Variants in SNX24 observed in about 807,000 individuals in gnomAD.
The protein encoded by SNX24 is sorting nexin 24.
In SNX24, 22 loss-of-function variants were observed where a neutral mutation model predicts 28.7. The ratio of observed to expected loss-of-function variants is 0.77; its 90% CI spans 0.55 to 1.10. The LOEUF is 1.10. Among genes scored for constraint, SNX24 ranks in the 50% least tolerant of loss-of-function variants. SNX24 has a pLI of 0.00. For synonymous variants in SNX24, 69 were observed against 71.5 expected (o/e 0.96, Z 0.18); for missense variants, 221 against 201.1 (o/e 1.10, Z -0.60).
At chr5:122,908,603 A>G (rs1376741673) in intron 1 of SNX24, among the ~76,000 whole-genome samples, 1 of 152,232 alleles carries the variant, frequency 6.6e-6, no homozygotes, top group Non-Finnish European at 1.5e-5. Flanking sequence ...TTTGGCTAAG[A>G]ACAATTAAGG....
intron 2 of SNX24, among the ~76,000 whole-genome samples, chr5:122,939,415 T>C (rs961354570): frequency 3.9e-5 from 6 of 152,354 alleles, no homozygotes; most frequent in South Asian, 2.1e-4. Context: ...TATCTGCTAG[T>C]GTCTAGATTG....
chr5:122,972,558 A>C (rs1466712911), intron 3 of SNX24, among the ~76,000 whole-genome samples: 1 of 152,244 alleles, frequency 6.6e-6, no homozygotes, highest in Non-Finnish European at 1.5e-5. Flanking sequence ...TTGTAAGACC[A>C]GTGAATTTCA....
intron 1 of SNX24, among the ~76,000 whole-genome samples, chr5:122,847,620 A>G (rs1754702608): frequency 6.6e-6 from 1 of 151,356 alleles, no homozygotes; most frequent in Non-Finnish European, 1.5e-5. Context: ...CAGCCCCTGG[A>G]GTAGCTGGGA....
chr5:122,938,237 A>C (rs1347977260), intron 2 of SNX24, among the ~76,000 whole-genome samples: 1 of 152,112 alleles, frequency 6.6e-6, no homozygotes, highest in Non-Finnish European at 1.5e-5. Context: ...TCTCTGCTCT[A>C]GTAGAGTTTA....
downstream of SNX24, among the ~76,000 whole-genome samples, chr5:123,011,054 G>A (rs1451657354): frequency 6.6e-6 from 1 of 152,228 alleles, no homozygotes; most frequent in Non-Finnish European, 1.5e-5. Context: ...AGTCCAAGCA[G>A]TGTCATTCAC....
At position 122,889,857 on chromosome 5, in the gene SNX24, C is replaced by T. The variant is rs144302154; in HGVS notation, c.60+44164C>T. Among the ~76,000 whole-genome samples, 26 of 150,716 alleles carry T rather than the reference C, an allele frequency of 1.7e-4. No individual in the cohort carries two copies. In the East Asian group the frequency reaches 4.3e-3, roughly 25 times the overall value. On this transcript the variant is annotated intron_variant, in intron 1 of 6. Transcript: ENST00000261369. The stretch of plus-strand genomic sequence containing the variant: ...CAAATCAGGAAGTTTAATATTGAAA[C>T]AGTATTTTGTAGTCTGTATTACAAA...
intron 3 of SNX24, among the ~76,000 whole-genome samples, chr5:122,962,012 T>A (rs1340581935): frequency 6.6e-6 from 1 of 152,234 alleles, no homozygotes. Flanking sequence ...ATGGTAATTC[T>A]ATAAGACTTT....
At chr5:122,881,903 T>A (rs772904655) in intron 1 of SNX24, among the ~76,000 whole-genome samples, 28 of 151,788 alleles carry the variant, frequency 1.8e-4, no homozygotes, top group Non-Finnish European at 3.7e-4. Flanking sequence ...TTAACATTTG[T>A]CTAATTGTGA....
intron 3 of SNX24, among the ~76,000 whole-genome samples, chr5:122,989,602 A>G (rs533835750): frequency 6.6e-6 from 1 of 152,174 alleles, no homozygotes; most frequent in Admixed American, 6.5e-5. Context: ...AGTTTTTGAT[A>G]TTGCTCTTTG....
chr5:122,970,491 C>T (rs1169964960), intron 3 of SNX24, among the ~76,000 whole-genome samples: 8 of 151,944 alleles, frequency 5.3e-5, no homozygotes, highest in South Asian at 4.1e-4. Context: ...TTTTTTGAGA[C>T]GGAGTCTCGC....
intron 3 of SNX24, among the ~76,000 whole-genome samples, chr5:122,993,037 G>A (rs1384758750): frequency 6.7e-6 from 1 of 148,976 alleles, no homozygotes; most frequent in African/African-American, 2.5e-5. Context: ...TATTTTAAAT[G>A]GGCCCTTTTC....
intron 1 of SNX24, among the ~76,000 whole-genome samples, chr5:122,916,484 C>T (rs772022126): frequency 3.9e-4 from 52 of 132,792 alleles, no homozygotes; most frequent in Middle Eastern, 7.1e-3. Context: ...TTTTGGATTT[C>T]GTGTTTATAA....
rs185616484 is a variant in SNX24 at position 122,916,204 on chromosome 5, A to T, written c.61-20530A>T. Among the ~76,000 whole-genome samples, 12 of 152,366 alleles carry T rather than the reference A, an allele frequency of 7.9e-5. No homozygotes were observed. In the East Asian group the frequency reaches 2.3e-3, roughly 29 times the overall value. The stretch of plus-strand genomic sequence containing the variant: ...ACAAAACACACAGACTTTCCACTGT[A>T]TCTGGTTTTTGTTTCATTATTAGTA... On this transcript the variant is annotated intron_variant, in intron 1 of 6. Transcript: ENST00000261369.
At chr5:122,963,632 G>T (rs763823766) in intron 3 of SNX24, among the ~76,000 whole-genome samples, 8 of 152,216 alleles carry the variant, frequency 5.3e-5, no homozygotes, top group East Asian at 1.9e-4. Context: ...AGATATTTTT[G>T]ATTAGTATTT....
intron 1 of SNX24, among the ~76,000 whole-genome samples, chr5:122,918,330 G>A (rs1217283522): frequency 6.6e-6 from 1 of 152,154 alleles, no homozygotes; most frequent in East Asian, 1.9e-4. Context: ...CCATTGTTAA[G>A]TGACCATATA....
intron 1 of SNX24, among the ~76,000 whole-genome samples, chr5:122,883,683 T>A (rs910483777): frequency 6.6e-6 from 1 of 152,214 alleles, no homozygotes; most frequent in African/African-American, 2.4e-5. Flanking sequence ...TATCTTGATC[T>A]GTCACCCAGG....
intron 1 of SNX24, among the ~76,000 whole-genome samples, chr5:122,861,609 G>T (rs910009001): frequency 1.3e-5 from 2 of 152,044 alleles, no homozygotes; most frequent in Non-Finnish European, 2.9e-5. Context: ...CTTCCACAAA[G>T]CTAAAAGCCC....
chr5:122,908,693 G>A (rs1486092013), intron 1 of SNX24, among the ~76,000 whole-genome samples: 1 of 152,172 alleles, frequency 6.6e-6, no homozygotes, highest in African/African-American at 2.4e-5. Flanking sequence ...TGTCAGTGAA[G>A]AAAGAAATGT....
intron 3 of SNX24, among the ~76,000 whole-genome samples, chr5:122,953,319 G>A (rs1243308952): frequency 6.6e-6 from 1 of 152,040 alleles, no homozygotes; most frequent in African/African-American, 2.4e-5. Context: ...TGGCCAGGCT[G>A]GTCTCAAACT....
Sources: gnomAD v4.1 joint callset for allele counts (sites outside exome capture counted in the v4.1 genomes callset) on GRCh38, gnomAD v4.1.1 for gene constraint, MANE v1.5 for transcripts, NCBI Gene and HGNC (gene_info 2026-07-23, HGNC 2026-07-21) for gene names.